SLC25A24: variants seen among roughly 807,000 people sequenced by gnomAD.
The protein encoded by SLC25A24 is mitochondrial adenyl nucleotide antiporter SLC25A24.
Under a neutral mutation model 60.7 loss-of-function variants are expected in SLC25A24, and 49 were observed. The ratio of observed to expected loss-of-function variants is 0.81; its 90% CI spans 0.64 to 1.02. The LOEUF is 1.02. Among genes scored for constraint, SLC25A24 ranks in the 50% least tolerant of loss-of-function variants. SLC25A24 has a pLI of 0.00. For synonymous variants in SLC25A24, 202 were observed against 200.6 expected (o/e 1.01, Z -0.06); for missense variants, 564 against 586.3 (o/e 0.96, Z 0.39).
chr1:108,163,382 G>A (rs956700095), intron 3 of SLC25A24, among the ~76,000 whole-genome samples: 2 of 149,438 alleles, frequency 1.3e-5, no homozygotes, highest in African/African-American at 5.0e-5. Flanking sequence ...AAATTGCCTT[G>A]GGCAGTATGG....
intron 1 of SLC25A24, 186 bp downstream of exon 1, chr1:108,199,770 T>G: frequency 1.7e-6 from 1 of 599,168 alleles, no homozygotes; most frequent in Non-Finnish European, 3.0e-6. Context: ...TATGACCCAC[T>G]TCTGTTACCG....
At chr1:108,155,913 A>T (rs924493617) in intron 5 of SLC25A24, among the ~76,000 whole-genome samples, 4 of 151,724 alleles carry the variant, frequency 2.6e-5, no homozygotes, top group Admixed American at 2.0e-4. Context: ...TATTCTTCTG[A>T]TTGTTTCAGC....
Position 108,199,978 on chromosome 1 carries a change from G to C in SLC25A24, c.161C>G (p.Pro54Arg). 1 of 1,610,232 alleles carries C rather than the reference G, an allele frequency of 6.2e-7. No individual in the cohort carries two copies. The highest frequency in any genetic ancestry group is 8.5e-7 in the Non-Finnish European group (1 of 1,178,800). ...CACCTCCTCGGCGTCCTGGCCCAGAGGGATGCCCAGGTTCCTGAGCCCCTC... is the reference window on the plus strand; with the variant it reads ...CACCTCCTCGGCGTCCTGGCCCAGACGGATGCCCAGGTTCCTGAGCCCCTC... ...LQEGLRNLGIPLGQDAEEKIF... is the reference protein window; with the variant it reads ...LQEGLRNLGIRLGQDAEEKIF... The change falls in exon 1 of 10, where the codon CCT becomes CGT. Residue 54 changes from proline to arginine, a missense_variant. Transcript: ENST00000565488.
At chr1:108,144,795 G>A (rs909784436) in intron 7 of SLC25A24, among the ~76,000 whole-genome samples, 1 of 152,208 alleles carries the variant, frequency 6.6e-6, no homozygotes, top group African/African-American at 2.4e-5. Flanking sequence ...ATTCCATGGT[G>A]TATATGTGCC....
chr1:108,153,410 G>A (rs192395848), intron 6 of SLC25A24, among the ~76,000 whole-genome samples: 3 of 152,098 alleles, frequency 2.0e-5, no homozygotes, highest in South Asian at 2.1e-4. Context: ...TATTTACCCC[G>A]AAGTAATTTA....
intron 1 of SLC25A24, among the ~76,000 whole-genome samples, chr1:108,190,053 G>C (rs1648294593): frequency 6.6e-6 from 1 of 151,978 alleles, no homozygotes; most frequent in Non-Finnish European, 1.5e-5. Flanking sequence ...AGAAATAAAA[G>C]ACCAATCAAA....
intron 6 of SLC25A24, among the ~76,000 whole-genome samples, chr1:108,153,302 T>TA (rs2101609681): frequency 6.6e-6 from 1 of 152,318 alleles, no homozygotes; most frequent in East Asian, 1.9e-4. Flanking sequence ...ATCTTTTTCT[T>TA]AGTTTCCTAA....
rs1679272382 is a variant in SLC25A24 at position 108,135,989 on chromosome 1, A to C, written c.*664T>G. 6.6e-6 allele frequency: 1 copy of C among 152,226 alleles called. No individual in the cohort carries two copies. The allele number at this position is 152,226 out of a possible 1,614,324, so 9.4% of individuals were successfully genotyped here. On this transcript the variant is annotated 3_prime_UTR_variant, in exon 10 of 10. Coordinates refer to ENST00000565488, the MANE Select transcript of SLC25A24 (RefSeq NM_013386.5). ...TGCCTTGTGTTGGTAATTTAACAGTAATATACTGAAAATTAGTGTATAACT... is the reference window on the plus strand; with the variant it reads ...TGCCTTGTGTTGGTAATTTAACAGTCATATACTGAAAATTAGTGTATAACT...
intron 1 of SLC25A24, among the ~76,000 whole-genome samples, chr1:108,197,845 G>A (rs139394190): frequency 1.3e-5 from 2 of 152,350 alleles, no homozygotes; most frequent in East Asian, 3.9e-4. Context: ...GATCCCTGAT[G>A]TGGCCGTGTT....
intron 7 of SLC25A24, among the ~76,000 whole-genome samples, chr1:108,146,916 G>T (rs1244511023): frequency 2.0e-5 from 3 of 152,200 alleles, no homozygotes; most frequent in Non-Finnish European, 4.4e-5. Context: ...GTATCAGAAT[G>T]ATGCTGCCCT....
At chr1:108,143,451 G>T in intron 8 of SLC25A24, 92 bp downstream of exon 8, 2 of 1,091,896 alleles carry the variant, frequency 1.8e-6, no homozygotes, top group Non-Finnish European at 2.6e-6. Flanking sequence ...GTCACACACT[G>T]TTTTCTGGTA....
chr1:108,174,145 T>C (rs2101631084), intron 3 of SLC25A24, among the ~76,000 whole-genome samples: 1 of 152,304 alleles, frequency 6.6e-6, no homozygotes, highest in African/African-American at 2.4e-5. Context: ...GGAAAATGCC[T>C]CCAGGGCACT....
chr1:108,181,163 AG>A (rs1302590708), intron 3 of SLC25A24, among the ~76,000 whole-genome samples: 1 of 13,262 alleles, frequency 7.5e-5, no homozygotes, highest in Non-Finnish European at 1.4e-4. Flanking sequence ...GAAATTATGA[AG>A]AGAGAGAAAG....
chr1:108,187,398 G>A (rs1648170199), intron 1 of SLC25A24, among the ~76,000 whole-genome samples: 1 of 152,122 alleles, frequency 6.6e-6, no homozygotes, highest in African/African-American at 2.4e-5. Context: ...AAAGCCAAAA[G>A]ATGGTTCTTT....
rs749201413 is a variant in SLC25A24, at chr1:108,157,609, T to A, written c.522A>T (p.Ile174=). 25 of 1,613,512 alleles carry A rather than the reference T, an allele frequency of 1.5e-5. No homozygotes were observed. Among genetic ancestry groups the A allele is most frequent in the Non-Finnish European group, 2.0e-5 (24 of 1,179,682 alleles). ...CATCTGGAATAGTTAAGCTATCCCC[T>A]ATGTCAATTCCCTGTAAAAATGAAA... The part of the protein sequence containing the change: ...RFWKHSTGID[I]GDSLTIPDEF... The change falls in exon 5 of 10, where the codon ATA becomes ATT. Residue 174 remains isoleucine (I), a synonymous_variant. Coordinates refer to ENST00000565488, the MANE Select transcript of SLC25A24 (RefSeq NM_013386.5).
chr1:108,157,664 T>C (rs764661261), intron 4 of SLC25A24, 44 bp from the exon 5 acceptor site: 1 of 1,584,856 alleles, frequency 6.3e-7, no homozygotes. Flanking sequence ...TAGTTAAAAA[T>C]AATCCCAGAA....
At chr1:108,186,107 A>G (rs1374920646) in intron 1 of SLC25A24, among the ~76,000 whole-genome samples, 153 bp from the exon 2 acceptor site, 6 of 152,246 alleles carry the variant, frequency 3.9e-5, no homozygotes, top group Non-Finnish European at 8.8e-5. Context: ...GCAAAGATCT[A>G]TAATAAAAGT....
At chr1:108,175,656 C>T (rs981946510) in intron 3 of SLC25A24, among the ~76,000 whole-genome samples, 2 of 151,994 alleles carry the variant, frequency 1.3e-5, no homozygotes, top group Non-Finnish European at 2.9e-5. Context: ...TGCCATTGCA[C>T]TCCAGATGGG....
At chr1:108,167,334 C>CA (rs1680287113) in intron 3 of SLC25A24, among the ~76,000 whole-genome samples, 1 of 151,720 alleles carries the variant, frequency 6.6e-6, no homozygotes, top group South Asian at 2.1e-4. Flanking sequence ...TTGAGCTTCC[C>CA]GGCTGCTTTG....
Sources: gnomAD v4.1 joint callset for allele counts (sites outside exome capture counted in the v4.1 genomes callset) on GRCh38, gnomAD v4.1.1 for gene constraint, MANE v1.5 for transcripts, NCBI Gene and HGNC (gene_info 2026-07-23, HGNC 2026-07-21) for gene names.